The following ZNF131 variants were observed in gnomAD, a reference collection of about 807,000 sequenced individuals.
The protein encoded by ZNF131 is zinc finger protein 131.
Under a neutral mutation model 60.0 loss-of-function variants are expected in ZNF131, and 7 were observed. The observed-to-expected ratio is 0.12, with a 90% CI of 0.07 to 0.22. The LOEUF (loss-of-function observed/expected upper bound fraction) is 0.22, where lower values mean the gene tolerates loss of function less well. Ranked by LOEUF, ZNF131 falls within the 10% of genes least tolerant of loss-of-function variation. ZNF131 has a pLI of 1.00. For missense variants in ZNF131, 493 were observed against 740.9 expected (o/e 0.67, Z 3.88); for synonymous variants, 257 against 253.2 (o/e 1.01, Z -0.14).
chr5:43,140,063 A>G (rs1038661482), intron 4 of ZNF131, among the ~76,000 whole-genome samples: 1 of 152,086 alleles, frequency 6.6e-6, no homozygotes, highest in Non-Finnish European at 1.5e-5. Flanking sequence ...AAAAAATACA[A>G]AAATTAGCTG....
At chr5:43,135,773 C>T (rs1002471710) in intron 3 of ZNF131, among the ~76,000 whole-genome samples, 23 of 152,120 alleles carry the variant, frequency 1.5e-4, no homozygotes, top group African/African-American at 5.3e-4. Context: ...GGATTTGGAA[C>T]ACTCAGTATT....
intron 4 of ZNF131, among the ~76,000 whole-genome samples, chr5:43,142,193 A>T (rs1458547672): frequency 1.3e-5 from 2 of 151,566 alleles, no homozygotes; most frequent in Non-Finnish European, 2.9e-5. Context: ...TACAAAAAAA[A>T]TTAGCCAGGC....
intron 4 of ZNF131, among the ~76,000 whole-genome samples, chr5:43,160,606 G>A (rs539690821): frequency 6.6e-6 from 1 of 151,596 alleles, no homozygotes; most frequent in African/African-American, 2.4e-5. Flanking sequence ...TATGATATGA[G>A]GTAAAGGTTG....
At chr5:43,161,216 A>G (rs1411693952) in intron 4 of ZNF131, 33 bp from the exon 5 acceptor site, 1 of 1,534,626 alleles carries the variant, frequency 6.5e-7, no homozygotes, top group Non-Finnish European at 8.7e-7. Flanking sequence ...ATCTTCTTAT[A>G]GATTTTTTAA....
At chr5:43,164,793 T>G (rs1449713514) in intron 5 of ZNF131, among the ~76,000 whole-genome samples, 1 of 152,222 alleles carries the variant, frequency 6.6e-6, no homozygotes, top group African/African-American at 2.4e-5. Context: ...GTGAGATAAG[T>G]AATTTAAGTA....
chr5:43,139,752 A>G (rs1746563339), intron 4 of ZNF131, among the ~76,000 whole-genome samples: 4 of 152,242 alleles, frequency 2.6e-5, no homozygotes, highest in Admixed American at 2.6e-4. Flanking sequence ...ATGATAGCCA[A>G]AAATGCATAC....
intron 6 of ZNF131, 64 bp from the exon 7 acceptor site, chr5:43,174,383 T>C: frequency 1.5e-6 from 2 of 1,355,124 alleles, no homozygotes; most frequent in Non-Finnish European, 2.0e-6. Flanking sequence ...AGAGAATAAA[T>C]GCATTCATAT....
chr5:43,161,209 T>A (rs370580573), intron 4 of ZNF131, 40 bp from the exon 5 acceptor site: 429 of 1,521,440 alleles, frequency 2.8e-4, no homozygotes, highest in Non-Finnish European at 3.6e-4. Flanking sequence ...TGGTAGGATC[T>A]TCTTATAGAT....
intron 3 of ZNF131, among the ~76,000 whole-genome samples, chr5:43,127,977 C>T (rs185448039): frequency 1.3e-5 from 2 of 152,302 alleles, no homozygotes; most frequent in African/African-American, 4.8e-5. Flanking sequence ...AACAAAACAT[C>T]CTTGTACATG....
intron 5 of ZNF131, among the ~76,000 whole-genome samples, chr5:43,162,910 GAA>G (rs200731861): frequency 0.2 from 13,484 of 65,904 alleles, 1,222 homozygotes; most frequent in Middle Eastern, 0.32. Context: ...TGTCTCAAGG[GAA>G]AAAAAAAAAA....
chr5:43,145,573 A>C (rs1747474970), intron 4 of ZNF131, among the ~76,000 whole-genome samples: 1 of 152,062 alleles, frequency 6.6e-6, no homozygotes, highest in Non-Finnish European at 1.5e-5. Flanking sequence ...GAATCGCTTG[A>C]ATCCGGGAGG....
intron 4 of ZNF131, among the ~76,000 whole-genome samples, chr5:43,153,725 C>T (rs144702112): frequency 3.3e-5 from 5 of 152,254 alleles, no homozygotes; most frequent in African/African-American, 1.2e-4. Flanking sequence ...CCCCTTCTGT[C>T]TTCATCATTA....
Position 43,146,444 on chromosome 5 carries a change from C to CTGGGTGTGGTGGCGGGCACCTGTAGT in ZNF131, c.371+7136_371+7161dup, listed in dbSNP as rs1561415464. 3.3e-5 allele frequency among the ~76,000 whole-genome samples: 5 copies of CTGGGTGTGGTGGCGGGCACCTGTAGT among 151,896 alleles called. No individual in the cohort carries two copies. The South Asian group carries it at 1.0e-3, about 32-fold the overall frequency. The stretch of plus-strand genomic sequence containing the variant: ...TACTAAAAATACAAAACAAAATTAG[C>CTGGGTGTGGTGGCGGGCACCTGTAGT]TGGGTGTGGTGGCGGGCACCTGTAG... On this transcript the variant is annotated intron_variant, in intron 4 of 6. Transcript: ENST00000682664.
intron 4 of ZNF131, among the ~76,000 whole-genome samples, chr5:43,153,628 C>T (rs766410294): frequency 6.6e-5 from 10 of 151,916 alleles, no homozygotes; most frequent in Non-Finnish European, 1.5e-4. Flanking sequence ...GCAACAAGAG[C>T]GAAACTCCAT....
intron 4 of ZNF131, among the ~76,000 whole-genome samples, chr5:43,151,922 C>G (rs1349166655): frequency 5.9e-5 from 9 of 152,136 alleles, no homozygotes; most frequent in Admixed American, 5.9e-4. Context: ...GTCTCCTTTC[C>G]CAGTTCAATT....
chr5:43,139,950 T>G (rs1294227719), intron 4 of ZNF131, among the ~76,000 whole-genome samples: 4 of 152,192 alleles, frequency 2.6e-5, no homozygotes, highest in African/African-American at 9.7e-5. Context: ...GCCCAGTGGA[T>G]TACGCCTGTA....
At position 43,167,360 on chromosome 5, in the gene ZNF131, C is replaced by T. The variant is rs574296403; in HGVS notation, c.1054+5429C>T. On this transcript the variant is annotated intron_variant, in intron 5 of 6. Coordinates refer to ENST00000682664, the MANE Select transcript of ZNF131 (RefSeq NM_001330707.2). The stretch of plus-strand genomic sequence containing the variant: ...ACAAATCTTCAGTTTTTCAAAAAGT[C>T]CAATAAAGTAAAGCACAATAAAATT... Among the ~76,000 whole-genome samples the T allele has an allele frequency of 3.3e-5, 5 of 152,190 alleles. No individual in the cohort carries two copies. In the East Asian group the frequency reaches 9.7e-4, roughly 29 times the overall value.
intron 5 of ZNF131, among the ~76,000 whole-genome samples, chr5:43,167,503 T>C (rs1750508710): frequency 6.6e-6 from 1 of 152,184 alleles, no homozygotes; most frequent in Admixed American, 6.5e-5. Context: ...TCAAAACGTA[T>C]ATACCCCATT....
intron 3 of ZNF131, among the ~76,000 whole-genome samples, chr5:43,127,193 A>C (rs952780480): frequency 6.6e-6 from 1 of 152,112 alleles, no homozygotes; most frequent in African/African-American, 2.4e-5. Flanking sequence ...CCCGTCCCCC[A>C]CTCGTAAAAT....
Sources: gnomAD v4.1 joint callset for allele counts (sites outside exome capture counted in the v4.1 genomes callset) on GRCh38, gnomAD v4.1.1 for gene constraint, MANE v1.5 for transcripts, NCBI Gene and HGNC (gene_info 2026-07-23, HGNC 2026-07-21) for gene names.